The following BLTP3A variants were observed in gnomAD, a reference collection of about 807,000 sequenced individuals.
The protein encoded by BLTP3A is bridge-like lipid transfer protein family member 3A, also known as ICBP90 binding protein 1.
the BLTP3A span, among the ~76,000 whole-genome samples, chr6:34,798,976 C>T: frequency 6.6e-6 from 1 of 152,102 alleles, no homozygotes; most frequent in Non-Finnish European, 1.5e-5. Flanking sequence ...GGGTCTCGCT[C>T]TGTTGCCCAG....
At chr6:34,850,865 A>T in the BLTP3A span, among the ~76,000 whole-genome samples, 4 of 151,838 alleles carry the variant, frequency 2.6e-5, no homozygotes, top group Non-Finnish European at 5.9e-5. Flanking sequence ...ACTGGCTAAT[A>T]TTTTTATTTT....
At chr6:34,841,959 G>A in the BLTP3A span, among the ~76,000 whole-genome samples, 5 of 152,002 alleles carry the variant, frequency 3.3e-5, no homozygotes, top group African/African-American at 1.2e-4. Context: ...TTAAGGGCAG[G>A]CTATTCTCTT....
the BLTP3A span, chr6:34,873,036 A>T: frequency 6.6e-6 from 1 of 152,232 alleles, no homozygotes; most frequent in Non-Finnish European, 1.5e-5. Flanking sequence ...AGCTCATAGC[A>T]ATTTGGCTGA....
the BLTP3A span, among the ~76,000 whole-genome samples, chr6:34,819,651 G>T: frequency 2.0e-5 from 3 of 152,164 alleles, no homozygotes; most frequent in Non-Finnish European, 4.4e-5. Context: ...CAGATTCCAG[G>T]AATGGAGAAT....
At chr6:34,805,343 A>T in the BLTP3A span, among the ~76,000 whole-genome samples, 1 of 152,106 alleles carries the variant, frequency 6.6e-6, no homozygotes, top group Non-Finnish European at 1.5e-5. Flanking sequence ...CTGTAATCCT[A>T]GCACCTTGGG....
chr6:34,836,483 C>G, the BLTP3A span: 15 of 789,904 alleles, frequency 1.9e-5, no homozygotes, highest in Non-Finnish European at 2.6e-5. Context: ...ACAGGCATTC[C>G]TTGGGCCTCA....
At chr6:34,834,696 G>A in the BLTP3A span, 2 of 1,611,264 alleles carry the variant, frequency 1.2e-6, no homozygotes, top group Middle Eastern at 1.7e-4. Context: ...ACAGGATTAA[G>A]GGATTGTACT....
At chr6:34,822,653 C>G in the BLTP3A span, among the ~76,000 whole-genome samples, 1 of 151,998 alleles carries the variant, frequency 6.6e-6, no homozygotes. Context: ...GTCAGGAGTT[C>G]AAGACCAGCC....
chr6:34,855,905 A>G, the BLTP3A span: 1 of 985,280 alleles, frequency 1.0e-6, no homozygotes, highest in Non-Finnish European at 1.2e-6. Flanking sequence ...CAGTAATGAG[A>G]GGAAGTGAGT....
chr6:34,805,735 CAAAA>C, the BLTP3A span, among the ~76,000 whole-genome samples: 6,757 of 73,460 alleles, frequency 0.092, 231 homozygotes, highest in East Asian at 0.36. Context: ...GACCCTATCT[CAAAA>C]AAAAAAAAAA....
chr6:34,810,452 G>T, the BLTP3A span, among the ~76,000 whole-genome samples: 1 of 152,302 alleles, frequency 6.6e-6, no homozygotes, highest in African/African-American at 2.4e-5. Context: ...CAGCAGTATA[G>T]CGTGTACTAC....
chr6:34,823,476 A>T, the BLTP3A span: 2 of 696,746 alleles, frequency 2.9e-6, no homozygotes, highest in Non-Finnish European at 5.0e-6. Context: ...ATGGTATAAG[A>T]ACCTCCATAT....
At chr6:34,796,462 C>T in the BLTP3A span, among the ~76,000 whole-genome samples, 2 of 152,124 alleles carry the variant, frequency 1.3e-5, no homozygotes, top group Admixed American at 1.3e-4. Context: ...GACTGCTGCT[C>T]AATGCAAATA....
chr6:34,822,470 C>T, the BLTP3A span, among the ~76,000 whole-genome samples: 284 of 152,258 alleles, frequency 1.9e-3, 1 homozygote, highest in African/African-American at 6.5e-3. Context: ...AACTCCTAAC[C>T]TCAGGTGATC....
At chr6:34,821,216 G>A in the BLTP3A span, among the ~76,000 whole-genome samples, 1 of 151,486 alleles carries the variant, frequency 6.6e-6, no homozygotes, top group South Asian at 2.1e-4. Flanking sequence ...TTGGCCTCCC[G>A]AAGTGCTGGG....
At chr6:34,810,281 A>G in the BLTP3A span, among the ~76,000 whole-genome samples, 6 of 152,312 alleles carry the variant, frequency 3.9e-5, no homozygotes, top group Admixed American at 3.3e-4. Context: ...CATGAATAGT[A>G]CACAAGAAAC....
At chr6:34,858,066 T>A in the BLTP3A span, 1 of 1,579,126 alleles carries the variant, frequency 6.3e-7, no homozygotes, top group South Asian at 1.2e-5. Context: ...GTATTAATAG[T>A]GGGATGCTGA....
the BLTP3A span, among the ~76,000 whole-genome samples, chr6:34,819,768 G>T: frequency 6.6e-6 from 1 of 152,110 alleles, no homozygotes; most frequent in Admixed American, 6.5e-5. Context: ...AAGGGAAATG[G>T]AGTGGCTGGC....
At chr6:34,831,182 C>T in the BLTP3A span, among the ~76,000 whole-genome samples, 3 of 150,662 alleles carry the variant, frequency 2.0e-5, no homozygotes, top group Non-Finnish European at 4.4e-5. Flanking sequence ...GGCTAGAGTG[C>T]AATGGCGCAG....
Sources: allele counts gnomAD v4.1 joint callset (sites outside exome capture counted in the v4.1 genomes callset), GRCh38; gene constraint gnomAD v4.1.1; transcripts MANE v1.5; gene names NCBI Gene and HGNC (gene_info 2026-07-23, HGNC 2026-07-21).